The following ATRN variants were observed in gnomAD, a reference collection of about 807,000 sequenced individuals.
ATRN encodes the protein attractin, also known as attractin-2.
In ATRN, 54 loss-of-function variants were observed where a neutral mutation model predicts 178.7. That is an observed-to-expected ratio of 0.30 (90% CI 0.24 to 0.38). The LOEUF is 0.38. ATRN is among the 10% of genes least tolerant of loss of function. The pLI is 1.00. For missense variants in ATRN, 1,443 were observed against 1,815.1 expected (o/e 0.79, Z 3.73); for synonymous variants, 636 against 663.0 (o/e 0.96, Z 0.63).
In ATRN at chr20:3,563,294, A is replaced by G. The variant is rs768465945; in HGVS notation, c.1717A>G (p.Thr573Ala). The G allele has an allele frequency of 1.2e-6, 2 of 1,614,186 alleles. No homozygotes were observed. Among genetic ancestry groups the G allele is most frequent in the African/African-American group, 2.7e-5 (2 of 75,064 alleles). ...SGTMLVFGGN[T>A]HNDTSMSHGA... ...AACCATGCTGGTGTTTGGAGGAAACACACACAATGACACATCTATGAGCCA... is the reference window on the plus strand; with the variant it reads ...AACCATGCTGGTGTTTGGAGGAAACGCACACAATGACACATCTATGAGCCA... The change falls in exon 10 of 29, where the codon ACA becomes GCA. Residue 573 changes from threonine (T) to alanine (A), a missense_variant. By Grantham distance (58) the Thr-to-Ala change is moderately conservative. Transcript: ENST00000262919.
chr20:3,595,868 A>G (rs1273108866), intron 20 of ATRN, among the ~76,000 whole-genome samples: 3 of 152,136 alleles, frequency 2.0e-5, no homozygotes, highest in Admixed American at 2.0e-4. Context: ...CTGTATGGGG[A>G]AATTGTTTTC....
In ATRN at chr20:3,471,511, G is replaced by A; in HGVS notation, c.404G>A (p.Arg135His). 7.1e-7 allele frequency: 1 copy of A among 1,399,296 alleles called. No individual in the cohort carries two copies. The highest frequency in any genetic ancestry group is 9.2e-7 in the Non-Finnish European group (1 of 1,084,708). The allele number at this position is 1,399,296 out of a possible 1,614,324, so 86.7% of individuals were successfully genotyped here. A position where few individuals can be genotyped will look rare whatever the true frequency, so the allele number is the denominator to read the frequency against. ...GAGCAATGCCAGCACTGCGGGGGCC[G>A]CTTCAGGTGAGTGGCGGGTGGTGTC... is the stretch of plus-strand genomic sequence containing the variant. ...VGEQCQHCGGRFRLTGSSGFV... is the reference protein window; with the variant it reads ...VGEQCQHCGGHFRLTGSSGFV... Residue 135 changes from arginine to histidine, a missense_variant, in exon 1 of 29, where the codon CGC becomes CAC. Transcript: ENST00000262919.
intron 27 of ATRN, among the ~76,000 whole-genome samples, chr20:3,640,123 A>G (rs1251930981): frequency 6.6e-6 from 1 of 152,234 alleles, no homozygotes; most frequent in Admixed American, 6.5e-5. Context: ...GAAATAAAAG[A>G]TGAAATCATA....
intron 1 of ATRN, among the ~76,000 whole-genome samples, chr20:3,513,774 A>C (rs2085169000): frequency 6.6e-6 from 1 of 152,108 alleles, no homozygotes; most frequent in Non-Finnish European, 1.5e-5. Context: ...TTCGTTGAGC[A>C]GTGGTTTGTA....
At chr20:3,545,076 T>C (rs2085680055) in intron 3 of ATRN, among the ~76,000 whole-genome samples, 1 of 152,054 alleles carries the variant, frequency 6.6e-6, no homozygotes, top group African/African-American at 2.4e-5. Flanking sequence ...AAATATTTTA[T>C]ATAAAATATC....
chr20:3,618,675 A>T (rs571293696), intron 24 of ATRN, among the ~76,000 whole-genome samples: 1 of 152,320 alleles, frequency 6.6e-6, no homozygotes, highest in South Asian at 2.1e-4. Flanking sequence ...GCTGAATGGC[A>T]TTAACTGGCC....
chr20:3,537,878 A>G (rs558645467), intron 2 of ATRN, among the ~76,000 whole-genome samples: 14 of 150,560 alleles, frequency 9.3e-5, no homozygotes, highest in South Asian at 8.4e-4. Context: ...TCCATGGTGT[A>G]TATGTGCCTC....
intron 11 of ATRN, among the ~76,000 whole-genome samples, chr20:3,568,897 A>C (rs2422897): frequency 0.1 from 15,959 of 152,188 alleles, 1,005 homozygotes; most frequent in East Asian, 0.25. Flanking sequence ...CAGCAGTGAA[A>C]GCACTAACAT....
intron 11 of ATRN, among the ~76,000 whole-genome samples, chr20:3,568,452 G>T (rs1179787766): frequency 1.3e-5 from 2 of 152,130 alleles, no homozygotes; most frequent in Admixed American, 1.3e-4. Flanking sequence ...GTTTGAGGCT[G>T]CAGTGAGCTA....
chr20:3,503,611 C>T (rs1481861198), intron 1 of ATRN, among the ~76,000 whole-genome samples: 2 of 151,960 alleles, frequency 1.3e-5, no homozygotes, highest in African/African-American at 2.4e-5. Flanking sequence ...CTTACTGGAC[C>T]GGCTCAATAG....
chr20:3,582,358 A>C lies in ATRN; in HGVS notation c.2764+4A>C. On this transcript the variant is annotated splice_donor_region_variant and intron_variant, in intron 16 of 28. Transcript: ENST00000262919. ...GGTAGTGTCTGTGAAAGGCCTGGTA[A>C]GTTCACAGGTGAATTAGGTGGTATT... The C allele has an allele frequency of 6.2e-7, 1 of 1,611,690 alleles. No individual in the cohort carries two copies. Among genetic ancestry groups the C allele is most frequent in the Non-Finnish European group, 8.5e-7 (1 of 1,179,548 alleles).
intron 11 of ATRN, among the ~76,000 whole-genome samples, chr20:3,565,708 G>A (rs536436538): frequency 1.6e-4 from 24 of 146,982 alleles, no homozygotes; most frequent in Non-Finnish European, 3.0e-4. Context: ...TGAGGCAGGA[G>A]AATCACTTGA....
intron 24 of ATRN, among the ~76,000 whole-genome samples, chr20:3,620,694 A>G (rs898372840): frequency 6.6e-6 from 1 of 152,244 alleles, no homozygotes; most frequent in Non-Finnish European, 1.5e-5. Flanking sequence ...TTTGAGAGCC[A>G]TGGCCTAGTT....
intron 25 of ATRN, among the ~76,000 whole-genome samples, chr20:3,628,661 G>A (rs1392499528): frequency 2.0e-5 from 3 of 151,964 alleles, no homozygotes; most frequent in Admixed American, 1.3e-4. Context: ...ATGGTTTCAC[G>A]CATCCACTGG....
At chr20:3,567,444 A>G (rs1401793105) in intron 11 of ATRN, among the ~76,000 whole-genome samples, 2 of 152,168 alleles carry the variant, frequency 1.3e-5, no homozygotes, top group East Asian at 1.9e-4. Flanking sequence ...TAATTTAATC[A>G]TGAGTCAAAA....
chr20:3,487,082 T>A (rs1471850035), intron 1 of ATRN, among the ~76,000 whole-genome samples: 1 of 152,218 alleles, frequency 6.6e-6, no homozygotes, highest in African/African-American at 2.4e-5. Flanking sequence ...TTTAACTGTA[T>A]CTAATTTGTG....
intron 24 of ATRN, among the ~76,000 whole-genome samples, chr20:3,611,086 T>C (rs1453311835): frequency 6.6e-6 from 1 of 152,046 alleles, no homozygotes; most frequent in Non-Finnish European, 1.5e-5. Flanking sequence ...ATAAAACTTT[T>C]AGAAAAAAAT....
intron 23 of ATRN, among the ~76,000 whole-genome samples, chr20:3,602,963 CAA>C (rs3842439): frequency 0.016 from 666 of 40,684 alleles, no homozygotes; most frequent in African/African-American, 0.066. Context: ...AATTCCATCT[CAA>C]AAAAAAAAAA....
chr20:3,644,249 C>T lies in ATRN; in HGVS notation c.4146C>T (p.Ile1382=). Residue 1382 remains isoleucine (I), a synonymous_variant, in exon 28 of 29, where the codon ATC becomes ATT. Coordinates refer to ENST00000262919, the MANE Select transcript of ATRN (RefSeq NM_139321.3). ...GGCTCCCTCGAGGCCTGGGTGGCAT[C>T]CCTCCTCCTGGGCAGTCAGGTGAGT... The part of the protein sequence containing the change: ...FVRLPRGLGG[I]PPPGQSGLAV... 3 of 1,614,002 alleles carry T rather than the reference C, an allele frequency of 1.9e-6. No individual in the cohort carries two copies. The South Asian group carries it at 3.3e-5, about 18-fold the overall frequency.
Sources: allele counts gnomAD v4.1 joint callset (sites outside exome capture counted in the v4.1 genomes callset), GRCh38; gene constraint gnomAD v4.1.1; transcripts MANE v1.5; gene names NCBI Gene and HGNC (gene_info 2026-07-23, HGNC 2026-07-21).